Variants in CACNB2 observed in about 807,000 individuals in gnomAD.
CACNB2 encodes calcium voltage-gated channel auxiliary subunit beta 2, also known as voltage-dependent L-type calcium channel subunit beta-2.
Under a neutral mutation model 73.3 loss-of-function variants are expected in CACNB2, and 42 were observed. That is an observed-to-expected ratio of 0.57 (90% confidence interval 0.45 to 0.74). CACNB2 has a LOEUF of 0.74. Among genes scored for constraint, CACNB2 ranks in the 30% least tolerant of loss-of-function variants. CACNB2 has a pLI of 0.00. For synonymous variants in CACNB2, 348 were observed against 310.3 expected, an observed-to-expected ratio of 1.12 and a Z score of -1.28; for missense variants, 940 against 853.0, an observed-to-expected ratio of 1.10 and a Z score of -1.27.
In CACNB2 at chr10:18,401,952, C is replaced by T; in HGVS notation, c.242C>T (p.Pro81Leu). 1 of 1,613,950 alleles carries T rather than the reference C, an allele frequency of 6.2e-7. No individual in the cohort carries two copies. The change falls in exon 3 of 14, where the codon CCA becomes CTA. Residue 81 changes from proline (P) to leucine (L), a missense_variant. Transcript: ENST00000324631. The stretch of plus-strand genomic sequence containing the variant: ...TCGGCAGACTCCTACACTAGCCGTC[C>T]ATCCGATTCCGATGTATCTCTGGAG... ...QGSADSYTSR[P>L]SDSDVSLEED...
At chr10:18,474,785 G>T (rs1242157679) in intron 3 of CACNB2, among the ~76,000 whole-genome samples, 1 of 151,966 alleles carries the variant, frequency 6.6e-6, no homozygotes, top group Admixed American at 6.6e-5. Context: ...CCCCCCAACA[G>T]CAAGCAGTTC....
intron 2 of CACNB2, among the ~76,000 whole-genome samples, chr10:18,310,630 T>TG (rs2039925805): frequency 1.0e-5 from 1 of 99,506 alleles, no homozygotes; most frequent in African/African-American, 3.8e-5. Context: ...AAAAAAAAAG[T>TG]AAAAAAAAAA....
Position 18,351,150 on chromosome 10 carries a change from C to CT in CACNB2, c.214-50761dup, listed in dbSNP as rs5783596. ...AGATCACATGTACACCCTTTCTTTT[C>CT]TTTTTTTTTTTTTCTTTTTTGCTAA... On this transcript the variant is annotated intron_variant, in intron 2 of 13. Coordinates refer to ENST00000324631, the MANE Select transcript of CACNB2 (RefSeq NM_201596.3). Among the ~76,000 whole-genome samples the CT allele has an allele frequency of 7.9e-4, 112 of 142,422 alleles. 2 individuals are homozygous for CT. The highest frequency in any genetic ancestry group is 3.6e-3 in the Middle Eastern group (1 of 278). 93.4% of individuals were successfully genotyped at this position (142,422 alleles called of 152,430 possible). A position where few individuals can be genotyped will look rare whatever the true frequency, so the allele number is the denominator to read the frequency against.
intron 2 of CACNB2, among the ~76,000 whole-genome samples, chr10:18,215,510 G>T (rs1357221150): frequency 6.6e-6 from 1 of 152,182 alleles, no homozygotes; most frequent in East Asian, 1.9e-4. Flanking sequence ...CTGAAGCCCA[G>T]CCTTTGTTTC....
At chr10:18,444,008 C>G (rs560476080) in intron 3 of CACNB2, among the ~76,000 whole-genome samples, 1 of 152,216 alleles carries the variant, frequency 6.6e-6, no homozygotes, top group Non-Finnish European at 1.5e-5. Flanking sequence ...AGCCACCACA[C>G]CCAGCCACGC....
At chr10:18,260,689 A>G in intron 2 of CACNB2, 1 of 991,764 alleles carries the variant, frequency 1.0e-6, no homozygotes, top group South Asian at 4.6e-5. Flanking sequence ...TTACAGAGGT[A>G]ACAGTGAATC....
chr10:18,175,196 G>A (rs966566011), intron 2 of CACNB2, among the ~76,000 whole-genome samples: 2 of 152,120 alleles, frequency 1.3e-5, no homozygotes, highest in African/African-American at 2.4e-5. Context: ...GTCAAAACTT[G>A]CAGTGTTGTT....
At chr10:18,238,602 C>T (rs530053601) in intron 2 of CACNB2, 11 of 152,250 alleles carry the variant, frequency 7.2e-5, no homozygotes, top group Middle Eastern at 6.8e-3. Context: ...ATCTTTTGAG[C>T]TTCTAAGTTG....
intron 2 of CACNB2, among the ~76,000 whole-genome samples, chr10:18,266,969 A>T (rs1775497599): frequency 6.6e-6 from 1 of 152,132 alleles, no homozygotes; most frequent in South Asian, 2.1e-4. Flanking sequence ...TTTTAAAGGC[A>T]TGTGTGTATG....
chr10:18,179,663 T>C (rs1364604341), intron 2 of CACNB2, among the ~76,000 whole-genome samples: 1 of 152,204 alleles, frequency 6.6e-6, no homozygotes, highest in Middle Eastern at 3.2e-3. Context: ...CTGTGTGCTT[T>C]AGTTTGGTGT....
intron 2 of CACNB2, chr10:18,206,373 C>T (rs2035093569): frequency 6.6e-6 from 1 of 152,588 alleles, no homozygotes; most frequent in Non-Finnish European, 1.5e-5. Context: ...GACTTCCTCT[C>T]TCCAGATGGG....
chr10:18,143,535 C>A (rs2030652010), intron 1 of CACNB2, among the ~76,000 whole-genome samples: 1 of 152,202 alleles, frequency 6.6e-6, no homozygotes, highest in African/African-American at 2.4e-5. Context: ...CTTTCTCTGC[C>A]TTCCAAAAAT....
At chr10:18,324,483 G>A (rs1335857390) in intron 2 of CACNB2, among the ~76,000 whole-genome samples, 3 of 152,214 alleles carry the variant, frequency 2.0e-5, no homozygotes, top group African/African-American at 4.8e-5. Flanking sequence ...ACATAAATAA[G>A]CCAATTGGGA....
At chr10:18,261,207 G>T (rs907852635) in intron 2 of CACNB2, 4 of 1,549,732 alleles carry the variant, frequency 2.6e-6, no homozygotes, top group East Asian at 2.4e-5. Flanking sequence ...AGGCTGTGAC[G>T]AGAAGACAAG....
intron 10 of CACNB2, among the ~76,000 whole-genome samples, chr10:18,530,550 G>A (rs968281911): frequency 6.7e-6 from 1 of 149,164 alleles, no homozygotes; most frequent in African/African-American, 2.5e-5. Context: ...CAAACCAACT[G>A]CATCTAACAC....
chr10:18,477,357 G>T (rs552504936), intron 3 of CACNB2, among the ~76,000 whole-genome samples: 20 of 152,292 alleles, frequency 1.3e-4, no homozygotes, highest in Admixed American at 1.1e-3. Flanking sequence ...GAACTCCCAT[G>T]AATAAGAATG....
At chr10:18,509,596 C>G (rs112119263) in intron 6 of CACNB2, among the ~76,000 whole-genome samples, 7,838 of 152,026 alleles carry the variant, frequency 0.052, 320 homozygotes, top group Non-Finnish European at 0.075. Flanking sequence ...CCCAGGAGTT[C>G]AAGACCAGCC....
At chr10:18,329,133 T>C (rs1387471295) in intron 2 of CACNB2, among the ~76,000 whole-genome samples, 1 of 152,170 alleles carries the variant, frequency 6.6e-6, no homozygotes, top group East Asian at 1.9e-4. Context: ...TTCTTTTTAT[T>C]CTTAATTGCC....
At chr10:18,386,699 C>T (rs1475353115) in intron 2 of CACNB2, among the ~76,000 whole-genome samples, 1 of 152,160 alleles carries the variant, frequency 6.6e-6, no homozygotes, top group Non-Finnish European at 1.5e-5. Context: ...AGCCACTGCG[C>T]CCTGCCTTTA....
Sources: allele counts gnomAD v4.1 joint callset (sites outside exome capture counted in the v4.1 genomes callset), GRCh38; gene constraint gnomAD v4.1.1; transcripts MANE v1.5; gene names NCBI Gene and HGNC (gene_info 2026-07-23, HGNC 2026-07-21).